The following EYA4 variants were observed in gnomAD, a reference collection of about 807,000 sequenced individuals.
The protein encoded by EYA4 is protein phosphatase EYA4.
A neutral mutation model predicts 87.9 loss-of-function variants in EYA4; 31 were observed. The ratio of observed to expected loss-of-function variants is 0.35; its 90% CI spans 0.27 to 0.48. The LOEUF is 0.48. Ranked by LOEUF, EYA4 falls within the 20% of genes least tolerant of loss-of-function variation. EYA4 has a pLI of 0.99. For synonymous variants in EYA4, 263 were observed against 270.6 expected (o/e 0.97, Z 0.28); for missense variants, 678 against 761.4 (o/e 0.89, Z 1.29).
At chr6:133,467,965 C>T (rs970232573) in intron 10 of EYA4, among the ~76,000 whole-genome samples, 2 of 151,930 alleles carry the variant, frequency 1.3e-5, no homozygotes, top group African/African-American at 4.8e-5. Flanking sequence ...TTGAAAAGTT[C>T]ACTAAAGACT....
At chr6:133,496,640 G>C (rs1313736386) in intron 13 of EYA4, among the ~76,000 whole-genome samples, 1 of 50,466 alleles carries the variant, frequency 2.0e-5, no homozygotes, top group Non-Finnish European at 4.0e-5. Context: ...TGTGCCTAAG[G>C]GCAAACTGAC....
At chr6:133,267,793 T>C (rs1415243628) in intron 1 of EYA4, among the ~76,000 whole-genome samples, 2 of 152,228 alleles carry the variant, frequency 1.3e-5, no homozygotes, top group Non-Finnish European at 2.9e-5. Context: ...GTTTTCATTG[T>C]CATGAATTAT....
chr6:133,379,552 C>T (rs1381639447), intron 2 of EYA4, among the ~76,000 whole-genome samples: 1 of 152,038 alleles, frequency 6.6e-6, no homozygotes, highest in Non-Finnish European at 1.5e-5. Flanking sequence ...TTTTCAAATA[C>T]AGATAAAAAG....
chr6:133,512,705 C>T lies in EYA4; in HGVS notation c.1282-16C>T. ...ATCATTTAGAAAACAAATAACTTTT[C>T]CAATGTTTTTAACAGGAGTGTGATC... On this transcript the variant is annotated splice_polypyrimidine_tract_variant and intron_variant, in intron 14 of 19. Transcript: ENST00000355286. 2 of 1,597,430 alleles carry T rather than the reference C, an allele frequency of 1.3e-6. No individual in the cohort carries two copies.
At chr6:133,486,122 G>GTTTT (rs550181591) in intron 13 of EYA4, among the ~76,000 whole-genome samples, 11 of 152,172 alleles carry the variant, frequency 7.2e-5, no homozygotes, top group African/African-American at 2.6e-4. Context: ...AAGTAAAAGT[G>GTTTT]TTTTTAGGCT....
intron 3 of EYA4, among the ~76,000 whole-genome samples, chr6:133,412,145 A>G (rs898781773): frequency 6.6e-6 from 1 of 152,238 alleles, no homozygotes; most frequent in African/African-American, 2.4e-5. Flanking sequence ...AATGCAGCAA[A>G]TTTACTAATA....
chr6:133,358,242 A>G (rs1275887284), intron 2 of EYA4, among the ~76,000 whole-genome samples: 1 of 152,136 alleles, frequency 6.6e-6, no homozygotes, highest in African/African-American at 2.4e-5. Flanking sequence ...AATCTAGTGT[A>G]TTGGAGGGTC....
chr6:133,358,824 G>T (rs949740286), intron 2 of EYA4, among the ~76,000 whole-genome samples: 1 of 152,142 alleles, frequency 6.6e-6, no homozygotes, highest in African/African-American at 2.4e-5. Flanking sequence ...CACACATTGT[G>T]ATAACTGCTA....
intron 3 of EYA4, among the ~76,000 whole-genome samples, chr6:133,443,001 A>G (rs1011294570): frequency 6.6e-6 from 1 of 151,830 alleles, no homozygotes; most frequent in Non-Finnish European, 1.5e-5. Context: ...ATTTTTTTCT[A>G]TTGCTGGGTT....
At chr6:133,372,953 G>T (rs1008512753) in intron 2 of EYA4, among the ~76,000 whole-genome samples, 4 of 151,860 alleles carry the variant, frequency 2.6e-5, no homozygotes, top group African/African-American at 9.7e-5. Flanking sequence ...TAAAGTTTAG[G>T]CATATATATG....
At chr6:133,482,911 G>C (rs1015899687) in intron 12 of EYA4, 121 bp from the exon 13 acceptor site, 2 of 826,206 alleles carry the variant, frequency 2.4e-6, no homozygotes. Flanking sequence ...AAAATGAATA[G>C]TATTATTTTC....
At chr6:133,317,269 A>G (rs1406060949) in intron 2 of EYA4, among the ~76,000 whole-genome samples, 1 of 152,212 alleles carries the variant, frequency 6.6e-6, no homozygotes. Context: ...GCAGATCTTC[A>G]TGATGCTTTG....
Position 133,529,830 on chromosome 6 carries a change from A to G in EYA4, c.*1025A>G. 1 of 985,418 alleles carries G rather than the reference A, an allele frequency of 1.0e-6. No individual in the cohort carries two copies. Among genetic ancestry groups the G allele is most frequent in the Non-Finnish European group, 1.2e-6 (1 of 829,904 alleles). The allele number at this position is 985,418 out of a possible 1,614,324, so 61.0% of individuals were successfully genotyped here. On this transcript the variant is annotated 3_prime_UTR_variant, in exon 20 of 20. Transcript: ENST00000355286. ...TTCTACAGTTTTACTGGAGAAAACTAAGAGCCATATTCATGACAACTTGCA... is the reference window on the plus strand; with the variant it reads ...TTCTACAGTTTTACTGGAGAAAACTGAGAGCCATATTCATGACAACTTGCA...
intron 2 of EYA4, among the ~76,000 whole-genome samples, chr6:133,322,318 A>G (rs1272599657): frequency 6.6e-6 from 1 of 152,200 alleles, no homozygotes; most frequent in Non-Finnish European, 1.5e-5. Flanking sequence ...GTTGTGCTAT[A>G]AAAGGACTAT....
intron 2 of EYA4, among the ~76,000 whole-genome samples, chr6:133,372,746 G>A (rs1330086798): frequency 6.6e-6 from 1 of 151,264 alleles, no homozygotes; most frequent in African/African-American, 2.4e-5. Flanking sequence ...TATTGTTCTA[G>A]AAATATTTAT....
chr6:133,250,981 C>T (rs1774852749), intron 1 of EYA4, among the ~76,000 whole-genome samples: 1 of 152,094 alleles, frequency 6.6e-6, no homozygotes, highest in African/African-American at 2.4e-5. Flanking sequence ...AATGGAGTGT[C>T]CAGTAGTCCA....
At chr6:133,319,947 A>C (rs184222088) in intron 2 of EYA4, among the ~76,000 whole-genome samples, 105 of 152,180 alleles carry the variant, frequency 6.9e-4, no homozygotes, top group Non-Finnish European at 1.4e-3. Context: ...TCCTGGGCTC[A>C]AGCAATCCAC....
intron 2 of EYA4, 69 bp downstream of exon 2, chr6:133,274,882 G>A: frequency 8.7e-7 from 1 of 1,148,660 alleles, no homozygotes; most frequent in Non-Finnish European, 1.3e-6. Flanking sequence ...ACGTAAAAGA[G>A]ATATATTGTA....
chr6:133,255,622 G>A (rs974589661), intron 1 of EYA4, among the ~76,000 whole-genome samples: 2 of 151,720 alleles, frequency 1.3e-5, no homozygotes, highest in Non-Finnish European at 2.9e-5. Context: ...TTCTATATAT[G>A]TGTAAATGTA....
Sources: gnomAD v4.1 joint callset for allele counts (sites outside exome capture counted in the v4.1 genomes callset) on GRCh38, gnomAD v4.1.1 for gene constraint, MANE v1.5 for transcripts, NCBI Gene and HGNC (gene_info 2026-07-23, HGNC 2026-07-21) for gene names.